The following B3GALT1 variants were observed in gnomAD, a reference collection of about 807,000 sequenced individuals.
B3GALT1 encodes the protein beta-1,3-galactosyltransferase 1, also known as UDP-Gal:betaGlcNAc beta 1,3-galactosyltransferase, polypeptide 1.
Under a neutral mutation model 23.2 loss-of-function variants are expected in B3GALT1, and 10 were observed. The ratio of observed to expected loss-of-function variants is 0.43; its 90% confidence interval spans 0.27 to 0.73. The LOEUF (loss-of-function observed/expected upper bound fraction) is 0.73, where lower values mean the gene tolerates loss of function less well. Among genes scored for constraint, B3GALT1 ranks in the 30% least tolerant of loss-of-function variants. The pLI, the probability that B3GALT1 is intolerant of heterozygous loss-of-function variation, is 0.21. For missense variants in B3GALT1, 299 were observed against 405.4 expected, an observed-to-expected ratio of 0.74 and a Z score of 2.25; for synonymous variants, 156 against 141.5, an observed-to-expected ratio of 1.10 and a Z score of -0.73.
chr2:167,439,963 T>C (rs1698853101), intron 1 of B3GALT1, among the ~76,000 whole-genome samples: 1 of 152,196 alleles, frequency 6.6e-6, no homozygotes, highest in Admixed American at 6.5e-5. Context: ...AAATACATTT[T>C]CCTGAACTCT....
At chr2:167,295,265 T>A (rs1484047139) in intron 1 of B3GALT1, among the ~76,000 whole-genome samples, 1 of 152,116 alleles carries the variant, frequency 6.6e-6, no homozygotes, top group African/African-American at 2.4e-5. Context: ...TTAGCATTCA[T>A]CATGTCTGGC....
intron 2 of B3GALT1, among the ~76,000 whole-genome samples, chr2:167,512,395 T>A (rs1259876292): frequency 6.6e-6 from 1 of 150,798 alleles, no homozygotes; most frequent in Non-Finnish European, 1.5e-5. Context: ...ATGTATTGAA[T>A]GATTTTATAA....
At chr2:167,442,689 G>C (rs531648219) in intron 1 of B3GALT1, among the ~76,000 whole-genome samples, 62 of 149,588 alleles carry the variant, frequency 4.1e-4, no homozygotes, top group African/African-American at 1.3e-3. Flanking sequence ...TTTGAGAAGT[G>C]TCTGTTCATG....
At chr2:167,868,035 C>A (rs375040550) in intron 4 of B3GALT1, among the ~76,000 whole-genome samples, 1 of 152,192 alleles carries the variant, frequency 6.6e-6, no homozygotes, top group African/African-American at 2.4e-5. Context: ...AGTATAATTT[C>A]ATCAAGGGAA....
At chr2:167,528,866 T>G (rs960347019) in intron 2 of B3GALT1, among the ~76,000 whole-genome samples, 1 of 152,160 alleles carries the variant, frequency 6.6e-6, no homozygotes, top group Admixed American at 6.6e-5. Context: ...GTCTCCTGTT[T>G]CCCAGCTTTG....
chr2:167,360,490 C>T (rs956393529), intron 1 of B3GALT1, among the ~76,000 whole-genome samples: 3 of 152,148 alleles, frequency 2.0e-5, no homozygotes, highest in East Asian at 3.9e-4. Context: ...AGACCAGCAC[C>T]GTCAGTATCA....
At chr2:167,714,404 C>T in intron 3 of B3GALT1, 1 of 1,545,006 alleles carries the variant, frequency 6.5e-7, no homozygotes, top group Admixed American at 1.7e-5. Context: ...GCTTCCTCCT[C>T]CCCCTGGAAG....
chr2:167,528,491 A>G (rs1426725960), intron 2 of B3GALT1, among the ~76,000 whole-genome samples: 1 of 152,148 alleles, frequency 6.6e-6, no homozygotes, highest in East Asian at 1.9e-4. Context: ...GTGAGGGACC[A>G]TGTTCACTTC....
At chr2:167,403,162 T>TCCCTCCC (rs1232507243) in intron 1 of B3GALT1, among the ~76,000 whole-genome samples, 15 of 128,930 alleles carry the variant, frequency 1.2e-4, no homozygotes, top group South Asian at 8.8e-4. Flanking sequence ...CCTAATGCTA[T>TCCCTCCC]CCCTCCCCCC....
chr2:167,601,162 C>T (rs945231123), intron 2 of B3GALT1, among the ~76,000 whole-genome samples: 9 of 152,030 alleles, frequency 5.9e-5, no homozygotes, highest in Non-Finnish European at 8.8e-5. Flanking sequence ...CTGGTTCAAG[C>T]GATTCTCCTG....
chr2:167,320,395 G>T (rs1028998625), intron 1 of B3GALT1, among the ~76,000 whole-genome samples: 1 of 151,816 alleles, frequency 6.6e-6, no homozygotes, highest in Non-Finnish European at 1.5e-5. Flanking sequence ...TCACCATGTT[G>T]CTCAGGCTGG....
intron 1 of B3GALT1, among the ~76,000 whole-genome samples, chr2:167,435,246 T>C (rs1698764706): frequency 6.6e-6 from 1 of 151,450 alleles, no homozygotes; most frequent in Non-Finnish European, 1.5e-5. Context: ...GAAGAGGATT[T>C]ATATACTTGT....
At chr2:167,462,723 T>C (rs1251157403) in intron 1 of B3GALT1, among the ~76,000 whole-genome samples, 1 of 152,202 alleles carries the variant, frequency 6.6e-6, no homozygotes, top group African/African-American at 2.4e-5. Context: ...TTCTGTTGGC[T>C]GGATCACTTT....
chr2:167,393,221 G>C (rs138282394), intron 1 of B3GALT1, among the ~76,000 whole-genome samples: 18,633 of 149,642 alleles, frequency 0.12, 1,379 homozygotes, highest in African/African-American at 0.21. Context: ...GCGACAGAGC[G>C]AGACTCCGTC....
intron 2 of B3GALT1, among the ~76,000 whole-genome samples, chr2:167,629,639 T>A (rs1193033229): frequency 6.6e-6 from 1 of 151,770 alleles, no homozygotes; most frequent in Non-Finnish European, 1.5e-5. Context: ...ACTCCTTTTT[T>A]AAACTGAGCC....
chr2:167,331,921 G>A (rs865806675), intron 1 of B3GALT1, among the ~76,000 whole-genome samples: 1 of 152,200 alleles, frequency 6.6e-6, no homozygotes, highest in Non-Finnish European at 1.5e-5. Flanking sequence ...GTTGTAGGCA[G>A]TGGAATTTGT....
chr2:167,669,229 A>G (rs1008131358), intron 3 of B3GALT1, among the ~76,000 whole-genome samples: 13 of 152,170 alleles, frequency 8.5e-5, no homozygotes, highest in East Asian at 1.9e-4. Flanking sequence ...ATTGATGTAT[A>G]CTTATTGAAT....
intron 1 of B3GALT1, among the ~76,000 whole-genome samples, chr2:167,473,679 A>G (rs1194162804): frequency 6.6e-6 from 1 of 152,122 alleles, no homozygotes; most frequent in Non-Finnish European, 1.5e-5. Context: ...GATTATCACA[A>G]TCAAGAGATG....
intron 1 of B3GALT1, among the ~76,000 whole-genome samples, chr2:167,315,237 T>G (rs1004216827): frequency 2.0e-5 from 3 of 152,176 alleles, no homozygotes; most frequent in African/African-American, 7.2e-5. Flanking sequence ...TTGTGGTAAG[T>G]GTAACTCCAC....
Sources: gnomAD v4.1 joint callset for allele counts (sites outside exome capture counted in the v4.1 genomes callset) on GRCh38, gnomAD v4.1.1 for gene constraint, MANE v1.5 for transcripts, NCBI Gene and HGNC (gene_info 2026-07-23, HGNC 2026-07-21) for gene names.